Variants in ERBB4 observed in about 807,000 individuals in gnomAD.
ERBB4 encodes receptor tyrosine-protein kinase erbB-4.
In ERBB4, 42 loss-of-function variants were observed where a neutral mutation model predicts 158.0. The observed-to-expected ratio is 0.27, with a 90% CI of 0.21 to 0.34. The LOEUF (loss-of-function observed/expected upper bound fraction) is 0.34, where lower values mean the gene tolerates loss of function less well. Among genes scored for constraint, ERBB4 ranks in the 10% least tolerant of loss-of-function variants. ERBB4 has a pLI of 1.00. For synonymous variants in ERBB4, 583 were observed against 558.7 expected (o/e 1.04, Z -0.61); for missense variants, 1,333 against 1,624.1 (o/e 0.82, Z 3.08).
At chr2:211,808,988 A>G (rs1055528568) in intron 3 of ERBB4, among the ~76,000 whole-genome samples, 1 of 152,178 alleles carries the variant, frequency 6.6e-6, no homozygotes, top group Non-Finnish European at 1.5e-5. Flanking sequence ...GTATCCTGAG[A>G]CTTTGCTGAA....
intron 3 of ERBB4, among the ~76,000 whole-genome samples, chr2:211,820,453 C>A (rs541894501): frequency 1.6e-4 from 24 of 151,950 alleles, no homozygotes; most frequent in Middle Eastern, 3.4e-3. Flanking sequence ...TATCTCCCAA[C>A]AAAGAAAAGT....
chr2:211,544,344 T>A (rs2125689398), intron 20 of ERBB4, among the ~76,000 whole-genome samples: 1 of 152,210 alleles, frequency 6.6e-6, no homozygotes, highest in South Asian at 2.1e-4. Context: ...AAGAGCTTTT[T>A]TCCAATCATT....
At chr2:212,136,600 A>G (rs1200824575) in intron 1 of ERBB4, among the ~76,000 whole-genome samples, 1 of 152,164 alleles carries the variant, frequency 6.6e-6, no homozygotes, top group Non-Finnish European at 1.5e-5. Flanking sequence ...CACAATATAC[A>G]CTGCATTTTA....
At chr2:212,435,273 C>T (rs1353296191) in intron 1 of ERBB4, among the ~76,000 whole-genome samples, 1 of 151,950 alleles carries the variant, frequency 6.6e-6, no homozygotes, top group African/African-American at 2.4e-5. Flanking sequence ...TATTACCACA[C>T]ACCTTGATTT....
intron 20 of ERBB4, among the ~76,000 whole-genome samples, chr2:211,463,925 C>T (rs2064604172): frequency 6.6e-6 from 1 of 152,148 alleles, no homozygotes; most frequent in African/African-American, 2.4e-5. Context: ...CTTACTGTGC[C>T]TCAAACATTA....
intron 3 of ERBB4, among the ~76,000 whole-genome samples, chr2:211,845,520 G>A (rs1370700918): frequency 6.6e-6 from 1 of 152,128 alleles, no homozygotes; most frequent in Non-Finnish European, 1.5e-5. Context: ...AGACCTCTCA[G>A]GGGATCTACA....
At chr2:211,488,762 T>G (rs2065268277) in intron 20 of ERBB4, among the ~76,000 whole-genome samples, 1 of 152,062 alleles carries the variant, frequency 6.6e-6, no homozygotes, top group Non-Finnish European at 1.5e-5. Context: ...ATTGGCAATA[T>G]TTTTTCCTGT....
At chr2:211,676,920 T>C (rs1378135757) in intron 13 of ERBB4, among the ~76,000 whole-genome samples, 4 of 152,208 alleles carry the variant, frequency 2.6e-5, no homozygotes, top group Non-Finnish European at 5.9e-5. Context: ...AGCATAAATA[T>C]GATTCAATGA....
At chr2:212,240,667 A>C (rs1477809942) in intron 1 of ERBB4, among the ~76,000 whole-genome samples, 1 of 128,210 alleles carries the variant, frequency 7.8e-6, no homozygotes, top group African/African-American at 3.0e-5. Context: ...AAAAAAAAAA[A>C]CAGAAAAAAA....
chr2:212,373,575 A>G (rs1483575841), intron 1 of ERBB4, among the ~76,000 whole-genome samples: 1 of 151,646 alleles, frequency 6.6e-6, no homozygotes, highest in East Asian at 1.9e-4. Context: ...AGAATAATGT[A>G]GCAGTTTAAA....
At chr2:211,518,794 A>G (rs1218100306) in intron 20 of ERBB4, among the ~76,000 whole-genome samples, 1 of 152,168 alleles carries the variant, frequency 6.6e-6, no homozygotes, top group African/African-American at 2.4e-5. Flanking sequence ...CAAAATGGCC[A>G]TAATTATTGA....
At chr2:212,283,321 G>A (rs1299932402) in intron 1 of ERBB4, among the ~76,000 whole-genome samples, 1 of 151,926 alleles carries the variant, frequency 6.6e-6, no homozygotes, top group African/African-American at 2.4e-5. Context: ...AAAGATTCCG[G>A]TATCATATGG....
At chr2:211,498,997 A>G (rs1356070673) in intron 20 of ERBB4, among the ~76,000 whole-genome samples, 1 of 152,154 alleles carries the variant, frequency 6.6e-6, no homozygotes, top group Non-Finnish European at 1.5e-5. Context: ...CCACGAAGAC[A>G]GTAGCCTCAC....
At chr2:212,146,353 C>T (rs750806907) in intron 1 of ERBB4, among the ~76,000 whole-genome samples, 39 of 152,266 alleles carry the variant, frequency 2.6e-4, no homozygotes, top group Admixed American at 4.6e-4. Context: ...CTGTTTTCAG[C>T]CTCAACATTA....
chr2:212,088,534 G>A (rs2078681976), intron 2 of ERBB4, among the ~76,000 whole-genome samples: 1 of 152,104 alleles, frequency 6.6e-6, no homozygotes, highest in South Asian at 2.1e-4. Flanking sequence ...CACAGAACCA[G>A]TAAACTTTAG....
chr2:211,871,730 A>T (rs2078350838), intron 3 of ERBB4, among the ~76,000 whole-genome samples: 1 of 152,204 alleles, frequency 6.6e-6, no homozygotes, highest in Non-Finnish European at 1.5e-5. Flanking sequence ...ATAAACCAAA[A>T]ATATATATTT....
chr2:212,011,365 C>T (rs1462965078), intron 2 of ERBB4, among the ~76,000 whole-genome samples: 1 of 151,960 alleles, frequency 6.6e-6, no homozygotes, highest in African/African-American at 2.4e-5. Context: ...GTTTAGTGGC[C>T]ACAGTATTGG....
intron 4 of ERBB4, among the ~76,000 whole-genome samples, chr2:211,783,001 A>G (rs932657133): frequency 2.2e-5 from 3 of 136,666 alleles, no homozygotes; most frequent in African/African-American, 8.6e-5. Context: ...CTTCCTATCC[A>G]TGAGCGTGGA....
At chr2:211,508,922 T>G (rs976805255) in intron 20 of ERBB4, among the ~76,000 whole-genome samples, 2 of 149,878 alleles carry the variant, frequency 1.3e-5, no homozygotes, top group Admixed American at 6.7e-5. Context: ...AGAGCGAGAC[T>G]GTCTCAAAAA....
Sources: allele counts gnomAD v4.1 joint callset (sites outside exome capture counted in the v4.1 genomes callset), GRCh38; gene constraint gnomAD v4.1.1; transcripts MANE v1.5; gene names NCBI Gene and HGNC (gene_info 2026-07-23, HGNC 2026-07-21).